The following SND1 variants were observed in gnomAD, a reference collection of about 807,000 sequenced individuals.
SND1 encodes the protein staphylococcal nuclease domain-containing protein 1.
In SND1, 38 loss-of-function variants were observed where a neutral mutation model predicts 121.7. The observed-to-expected ratio is 0.31, with a 90% CI of 0.24 to 0.41. SND1 has a LOEUF of 0.41. SND1 is among the 10% of genes least tolerant of loss of function. SND1 has a pLI of 1.00. For synonymous variants in SND1, 401 were observed against 447.4 expected, an observed-to-expected ratio of 0.90 and a Z score of 1.31; for missense variants, 868 against 1,184.6, an observed-to-expected ratio of 0.73 and a Z score of 3.92.
At position 127,864,500 on chromosome 7, in the gene SND1, ATGCTACC is replaced by A. The variant is rs1386341733; in HGVS notation, c.1343+20078_1343+20084del. Among the ~76,000 whole-genome samples, 3 of 151,946 alleles carry A rather than the reference ATGCTACC, an allele frequency of 2.0e-5. No individual in the cohort carries two copies. The East Asian group carries it at 5.8e-4, about 29-fold the overall frequency. On this transcript the variant is annotated intron_variant, in intron 12 of 23. Coordinates refer to ENST00000354725, the MANE Select transcript of SND1 (RefSeq NM_014390.4). ...GTGTCTGATTCTCATATTTTGTTCAATGCTACCTAAGTCTTGCTATCTAGAACAGTTC... is the reference window on the plus strand; with the variant it reads ...GTGTCTGATTCTCATATTTTGTTCAATAAGTCTTGCTATCTAGAACAGTTC...
rs187902871 is a variant in SND1, at chr7:127,801,083, C to T, written c.1153-6401C>T. 1.0e-3 allele frequency among the ~76,000 whole-genome samples: 157 copies of T among 152,242 alleles called. 1 individual carries two copies. The highest frequency in any genetic ancestry group is 2.0e-3 in the Non-Finnish European group (133 of 68,020). ...TGGATGTTGTTATACTTGTCTTGCACGTATGAGAATTTTCTGGGGCATATA... is the reference window on the plus strand; with the variant it reads ...TGGATGTTGTTATACTTGTCTTGCATGTATGAGAATTTTCTGGGGCATATA... On this transcript the variant is annotated intron_variant, in intron 10 of 23. Coordinates refer to ENST00000354725, the MANE Select transcript of SND1 (RefSeq NM_014390.4).
intron 13 of SND1, among the ~76,000 whole-genome samples, chr7:127,895,897 C>G (rs922772078): frequency 1.1e-4 from 16 of 152,084 alleles, no homozygotes; most frequent in African/African-American, 3.6e-4. Context: ...CCTCCCCACC[C>G]CTAGTTCCTT....
At chr7:128,054,169 A>T (rs1793097395) in intron 16 of SND1, among the ~76,000 whole-genome samples, 1 of 152,202 alleles carries the variant, frequency 6.6e-6, no homozygotes, top group Non-Finnish European at 1.5e-5. Flanking sequence ...AGGCTTACTT[A>T]TGCAGACCTC....
chr7:127,742,670 A>G (rs374733143), intron 10 of SND1, among the ~76,000 whole-genome samples: 1 of 152,022 alleles, frequency 6.6e-6, no homozygotes, highest in East Asian at 1.9e-4. Flanking sequence ...GAATGTTTTA[A>G]CTGTGTAGTC....
At chr7:127,815,003 A>G (rs974960054) in intron 11 of SND1, among the ~76,000 whole-genome samples, 1 of 152,262 alleles carries the variant, frequency 6.6e-6, no homozygotes, top group Non-Finnish European at 1.5e-5. Flanking sequence ...CTCTTATGTG[A>G]AAGAAATTAT....
intron 13 of SND1, among the ~76,000 whole-genome samples, chr7:127,899,209 A>G (rs1301360575): frequency 6.6e-6 from 1 of 152,126 alleles, no homozygotes; most frequent in Non-Finnish European, 1.5e-5. Flanking sequence ...AGATTAACAC[A>G]TGAAACAATT....
intron 2 of SND1, among the ~76,000 whole-genome samples, chr7:127,690,902 T>A (rs1025915735): frequency 6.6e-6 from 1 of 152,242 alleles, no homozygotes; most frequent in African/African-American, 2.4e-5. Context: ...CCTTCTGTCA[T>A]GATATCGTCT....
At chr7:127,810,342 G>A (rs1373339993) in intron 11 of SND1, among the ~76,000 whole-genome samples, 1 of 152,152 alleles carries the variant, frequency 6.6e-6, no homozygotes, top group Non-Finnish European at 1.5e-5. Flanking sequence ...GAGAGTGGTA[G>A]AAGAATACTG....
chr7:127,904,348 A>G (rs1800291726), intron 13 of SND1: 1 of 155,572 alleles, frequency 6.4e-6, no homozygotes, highest in Non-Finnish European at 1.4e-5. Context: ...CACTAGCCAC[A>G]TATTTTGCAT....
intron 10 of SND1, among the ~76,000 whole-genome samples, chr7:127,748,330 G>A (rs1295951083): frequency 6.6e-6 from 1 of 152,142 alleles, no homozygotes; most frequent in African/African-American, 2.4e-5. Context: ...TGTGTACAAG[G>A]TACTGTCCTT....
At chr7:127,766,643 C>T (rs938783945) in intron 10 of SND1, among the ~76,000 whole-genome samples, 60 of 151,512 alleles carry the variant, frequency 4.0e-4, no homozygotes, top group East Asian at 1.4e-3. Context: ...GGCGTGGTGG[C>T]GGGCACCTGT....
chr7:128,092,328 TAAAAA>T lies in SND1; in HGVS notation c.*277_*281del, dbSNP rs869197153. The T allele has an allele frequency of 2.6e-6, 1 of 384,732 alleles. No individual in the cohort carries two copies. The highest frequency in any genetic ancestry group is 4.1e-5 in the East Asian group (1 of 24,644). 23.8% of individuals were successfully genotyped at this position (384,732 alleles called of 1,614,324 possible). ...TATTTGGAGGTTTGTGGGCTTTTTT[TAAAAA>T]AAAAAAGTCCTCAAATCAGGAAGAA... On this transcript the variant is annotated 3_prime_UTR_variant, in exon 24 of 24. Coordinates refer to ENST00000354725, the MANE Select transcript of SND1 (RefSeq NM_014390.4). This position sits in a 1 kb window ranked among gnomAD's most constrained non-coding sequence, Gnocchi z 4.9.
Position 127,718,521 on chromosome 7 carries a change from T to G in SND1, c.1039-2766T>G, listed in dbSNP as rs553630935. On this transcript the variant is annotated intron_variant, in intron 9 of 23. Transcript: ENST00000354725. ...ACGCATGCACTCACCCTTCCTATCT[T>G]CACCAGCAAGCTAAACCTTGCTTAG... The G allele has an allele frequency of 1.4e-5, 14 of 978,266 alleles. 1 individual carries two copies. In the African/African-American group the frequency reaches 2.4e-4, roughly 17 times the overall value. The allele number at this position is 978,266 out of a possible 1,614,324, so 60.6% of individuals were successfully genotyped here. A position where few individuals can be genotyped will look rare whatever the true frequency, so the allele number is the denominator to read the frequency against.
intron 10 of SND1, among the ~76,000 whole-genome samples, chr7:127,750,595 T>C (rs12540357): frequency 0.2 from 30,522 of 152,170 alleles, 3,557 homozygotes; most frequent in Middle Eastern, 0.28. Context: ...AGAAGTGTTT[T>C]GGATTTTTTT....
intron 11 of SND1, among the ~76,000 whole-genome samples, chr7:127,841,960 C>G (rs967935808): frequency 1.3e-5 from 2 of 152,182 alleles, no homozygotes; most frequent in African/African-American, 4.8e-5. Flanking sequence ...AACCTCAGCC[C>G]TTAATTGGCT....
chr7:127,953,151 C>CGT lies in SND1; in HGVS notation c.1669+23891_1669+23892dup, dbSNP rs59825900. ...TGCACTCCAGCCTGGGTGACAAGAC[C>CGT]GTGTGTGTGTGTGTGTGTGTGTGTG... On this transcript the variant is annotated intron_variant, in intron 15 of 23. Transcript: ENST00000354725. 1.6e-3 allele frequency among the ~76,000 whole-genome samples: 146 copies of CGT among 92,338 alleles called. 6 individuals are homozygous for CGT. The highest frequency in any genetic ancestry group is 2.0e-3 in the East Asian group (5 of 2,494). The allele number at this position is 92,338 out of a possible 152,430, so 60.6% of individuals were successfully genotyped here.
At chr7:127,994,544 T>C (rs530646923) in intron 16 of SND1, among the ~76,000 whole-genome samples, 1 of 87,806 alleles carries the variant, frequency 1.1e-5, no homozygotes, top group African/African-American at 4.6e-5. Context: ...ACGATCACTT[T>C]TACTCAAAAA....
chr7:127,759,204 TA>T (rs1797255364), intron 10 of SND1, among the ~76,000 whole-genome samples: 1 of 152,200 alleles, frequency 6.6e-6, no homozygotes, highest in Admixed American at 6.5e-5. Context: ...GTATGTGACT[TA>T]AGATGGTGTC....
chr7:128,084,902 G>A (rs1284506999), intron 19 of SND1, 55 bp downstream of exon 19: 60 of 1,542,520 alleles, frequency 3.9e-5, no homozygotes, highest in Non-Finnish European at 5.3e-5. Context: ...TAGCAGGGCT[G>A]TCCTCAGGCC....
Sources: gnomAD v4.1 joint callset for allele counts (sites outside exome capture counted in the v4.1 genomes callset) on GRCh38, gnomAD v4.1.1 for gene constraint, Gnocchi (gnomAD v3.1) non-coding constraint, MANE v1.5 for transcripts, NCBI Gene and HGNC (gene_info 2026-07-23, HGNC 2026-07-21) for gene names.